Variants in DYRK1A observed in about 807,000 individuals in gnomAD.
DYRK1A encodes dual specificity tyrosine-phosphorylation-regulated kinase 1A.
DYRK1A carries 9 observed loss-of-function variants against 79.7 expected under a neutral mutation model. The ratio of observed to expected loss-of-function variants is 0.11; its 90% CI spans 0.07 to 0.20. The LOEUF is 0.20. Among genes scored for constraint, DYRK1A ranks in the 10% least tolerant of loss-of-function variants. The pLI is 1.00. For synonymous variants in DYRK1A, 349 were observed against 329.7 expected, an observed-to-expected ratio of 1.06 and a Z score of -0.63; for missense variants, 622 against 956.0, an observed-to-expected ratio of 0.65 and a Z score of 4.61.
intron 11 of DYRK1A, 91 bp from the exon 12 acceptor site, chr21:37,511,820 A>T: frequency 7.1e-7 from 1 of 1,410,006 alleles, no homozygotes; most frequent in African/African-American, 1.4e-5. Flanking sequence ...GATTAATATG[A>T]TGCTAGTTTG....
chr21:37,482,307 G>A (rs550768586), intron 5 of DYRK1A, among the ~76,000 whole-genome samples: 10 of 152,016 alleles, frequency 6.6e-5, no homozygotes, highest in South Asian at 2.1e-4. Context: ...TTCCCTAAGC[G>A]TCGGCCGGTT....
Position 37,512,002 on chromosome 21 carries a change from C to A in DYRK1A, c.1736C>A (p.Thr579Asn), listed in dbSNP as rs724159955. The stretch of plus-strand genomic sequence containing the variant: ...GAAACTCATCCTGTTCAAGAAACAA[C>A]CTTTCATGTAGCCCCTCAACAGAAT... ...TVETHPVQET[T>N]FHVAPQQNAL... is the part of the protein sequence containing the mutation. Residue 579 changes from threonine (T) to asparagine (N), a missense_variant, in exon 12 of 12, where the codon ACC becomes AAC. Thr to Asn is a moderately conservative substitution (Grantham distance 65, BLOSUM62 0). This residue lies in a region of DYRK1A where 292 missense variants were observed against 316.7 expected (regional missense o/e 0.92). Coordinates refer to ENST00000647188, the MANE Select transcript of DYRK1A (RefSeq NM_001347721.2). The A allele has an allele frequency of 6.2e-7, 1 of 1,614,164 alleles. No individual in the cohort carries two copies. Among genetic ancestry groups the A allele is most frequent in the East Asian group, 2.2e-5 (1 of 44,888 alleles).
intron 2 of DYRK1A, among the ~76,000 whole-genome samples, chr21:37,454,410 C>CA (rs939725047): frequency 2.0e-5 from 3 of 152,140 alleles, no homozygotes; most frequent in Middle Eastern, 3.4e-3. Context: ...CTTTGAGTAA[C>CA]AAAGTCTTAT....
intron 5 of DYRK1A, chr21:37,481,198 AATT>A (rs1420645507): frequency 1.9e-5 from 3 of 156,100 alleles, no homozygotes; most frequent in Non-Finnish European, 4.2e-5. Context: ...AAGAGAAAAG[AATT>A]ACCATGTTCA....
At chr21:37,434,533 GAA>G (rs1415200475) in intron 2 of DYRK1A, among the ~76,000 whole-genome samples, 1 of 152,132 alleles carries the variant, frequency 6.6e-6, no homozygotes, top group African/African-American at 2.4e-5. Context: ...TGACACAGTT[GAA>G]GTTTTTAATG....
At chr21:37,476,443 T>G (rs1043834223) in intron 3 of DYRK1A, among the ~76,000 whole-genome samples, 1 of 152,252 alleles carries the variant, frequency 6.6e-6, no homozygotes, top group Non-Finnish European at 1.5e-5. Context: ...ATTATAGCAG[T>G]AATGAAGCAT....
At position 37,505,633 on chromosome 21, in the gene DYRK1A, TTTTC is replaced by T. The variant is rs2053573440; in HGVS notation, c.1519+48_1519+51del. On this transcript the variant is annotated intron_variant, in intron 10 of 11. Coordinates refer to ENST00000647188, the MANE Select transcript of DYRK1A (RefSeq NM_001347721.2). ...AGATTAGGCTTGGGAATGTTTTGTG[TTTTC>T]TTTATGAAGTGGGATTATTTTAAAG... The T allele has an allele frequency of 3.3e-6, 5 of 1,517,732 alleles. No individual in the cohort carries two copies. In the South Asian group the frequency reaches 5.1e-5, roughly 16 times the overall value. The allele number at this position is 1,517,732 out of a possible 1,614,324, so 94.0% of individuals were successfully genotyped here.
intron 1 of DYRK1A, among the ~76,000 whole-genome samples, chr21:37,408,257 G>T (rs1213879854): frequency 6.6e-6 from 1 of 152,080 alleles, no homozygotes; most frequent in African/African-American, 2.4e-5. Context: ...CTTATTTTGT[G>T]GTTTGAAGAT....
Position 37,521,892 on chromosome 21 carries a change from G to A in DYRK1A, c.*9361G>A, listed in dbSNP as rs1449946421. ...TCCTCCCAGAGTTTGAGGACTTTGA[G>A]TGCTAAGGGCTTGTAGGAGAACGTT... On this transcript the variant is annotated 3_prime_UTR_variant, in exon 12 of 12. Transcript: ENST00000647188. 4 of 152,228 alleles carry A rather than the reference G, an allele frequency of 2.6e-5. No individual in the cohort carries two copies. The highest frequency in any genetic ancestry group is 5.9e-5 in the Non-Finnish European group (4 of 68,090). The allele number at this position is 152,228 out of a possible 1,614,324, so 9.4% of individuals were successfully genotyped here.
At chr21:37,465,665 T>TG (rs2052000858) in intron 2 of DYRK1A, among the ~76,000 whole-genome samples, 1 of 152,016 alleles carries the variant, frequency 6.6e-6, no homozygotes, top group African/African-American at 2.4e-5. Context: ...GGTGAAACTC[T>TG]GTCTCTACTA....
At chr21:37,398,213 A>G (rs2049993289) in intron 1 of DYRK1A, among the ~76,000 whole-genome samples, 1 of 151,414 alleles carries the variant, frequency 6.6e-6, no homozygotes, top group Non-Finnish European at 1.5e-5. Context: ...GCACAGTGGC[A>G]GGCACCTGTA....
At chr21:37,421,321 C>T (rs898386082) in intron 2 of DYRK1A, among the ~76,000 whole-genome samples, 4 of 151,476 alleles carry the variant, frequency 2.6e-5, no homozygotes, top group African/African-American at 9.7e-5. Flanking sequence ...TTATTTTTGG[C>T]GATCTGGGTT....
At chr21:37,366,195 C>T (rs1177999205), upstream of DYRK1A, 1 of 151,098 alleles carries the variant, frequency 6.6e-6, no homozygotes, top group Non-Finnish European at 1.5e-5. Context: ...GGTGAGAGCC[C>T]TCCAGGCCCG....
At chr21:37,368,879 G>A (rs1279858978) in intron 1 of DYRK1A, among the ~76,000 whole-genome samples, 1 of 152,140 alleles carries the variant, frequency 6.6e-6, no homozygotes, top group Non-Finnish European at 1.5e-5. Context: ...TCCCCGTAAG[G>A]TTTTTAGCGT....
chr21:37,505,773 G>A (rs1484095375), intron 10 of DYRK1A, among the ~76,000 whole-genome samples, 184 bp downstream of exon 10: 1 of 152,192 alleles, frequency 6.6e-6, no homozygotes. Context: ...AGTTACGCAT[G>A]TAATAAAATC....
intron 2 of DYRK1A, among the ~76,000 whole-genome samples, chr21:37,465,164 C>G (rs1295388760): frequency 6.6e-6 from 1 of 152,184 alleles, no homozygotes. Context: ...CACTAAATAA[C>G]TGATAATGTC....
intron 8 of DYRK1A, 130 bp downstream of exon 8, chr21:37,493,293 G>A: frequency 1.2e-6 from 1 of 814,806 alleles, no homozygotes; most frequent in Non-Finnish European, 1.9e-6. Context: ...AGGTCAGTTT[G>A]AATATACCTA....
intron 6 of DYRK1A, chr21:37,487,768 AATGAGTTTCT>A: frequency 6.6e-6 from 1 of 152,288 alleles, no homozygotes; most frequent in East Asian, 1.9e-4. Context: ...TAAAATATAA[AATGAGTTTCT>A]ATTAATTTTT....
intron 1 of DYRK1A, among the ~76,000 whole-genome samples, chr21:37,412,594 A>G (rs1270885355): frequency 6.6e-6 from 1 of 152,182 alleles, no homozygotes; most frequent in Non-Finnish European, 1.5e-5. Flanking sequence ...AGCATTTGTA[A>G]TACTTAAGGT....
Sources: gnomAD v4.1 joint callset for allele counts (sites outside exome capture counted in the v4.1 genomes callset) on GRCh38, gnomAD v4.1.1 for gene constraint, gnomAD v4.1.1 regional missense constraint, MANE v1.5 for transcripts, NCBI Gene and HGNC (gene_info 2026-07-23, HGNC 2026-07-21) for gene names.